Variants in STX10 observed in about 807,000 individuals in gnomAD.
STX10 encodes syntaxin-10.
A neutral mutation model predicts 34.1 loss-of-function variants in STX10; 35 were observed. The ratio of observed to expected loss-of-function variants is 1.03; its 90% CI spans 0.78 to 1.36. STX10 has a LOEUF of 1.36. Ranked by LOEUF, STX10 falls within the 40% of genes most tolerant of loss-of-function variation. The probability of loss-of-function intolerance (pLI) is 0.00; values close to 1 mark genes in which losing one functional copy is unlikely to be tolerated. For synonymous variants in STX10, 155 were observed against 132.9 expected (o/e 1.17, Z -1.15); for missense variants, 361 against 335.5 (o/e 1.08, Z -0.59).
intron 4 of STX10, among the ~76,000 whole-genome samples, chr19:13,147,238 G>A (rs1317559624): frequency 6.6e-6 from 1 of 152,110 alleles, no homozygotes. Context: ...AAAGGCGGGG[G>A]CGGATCACCT....
chr19:13,149,773 G>A lies in STX10; in HGVS notation c.160C>T (p.Leu54=). 6.2e-7 allele frequency: 1 copy of A among 1,614,178 alleles called. No homozygotes were observed. The highest frequency in any genetic ancestry group is 8.5e-7 in the Non-Finnish European group (1 of 1,180,044). Residue 54 remains leucine (L), a synonymous_variant, in exon 2 of 8, where the codon CTG becomes TTG. Transcript: ENST00000587230. ...DWTTNELRNG[L]RSIEWDLEDL... ...TCGAGGTCCCACTCGATGCTGCGCA[G>A]GCCATTCCGCAGCTCATTGGTCGTC...
chr19:13,147,005 A>G (rs2019914151), intron 4 of STX10, among the ~76,000 whole-genome samples: 1 of 150,830 alleles, frequency 6.6e-6, no homozygotes, highest in Non-Finnish European at 1.5e-5. Context: ...GGTGGTTCTC[A>G]ACATATGAAA....
rs754870681 is a variant in STX10, at chr19:13,149,732, G to A, written c.201C>T (p.Thr67=). Residue 67 remains threonine (T), a synonymous_variant, in exon 2 of 8, where the codon ACC becomes ACT. Coordinates refer to ENST00000587230, the MANE Select transcript of STX10 (RefSeq NM_003765.3). ...TGCCACAAAGCCCCAGGATATCGAT[G>A]GTCTCTTCCAGGTCCTCGAGGTCCC... The part of the protein sequence containing the change: ...IEWDLEDLEE[T]IGIVEANPGK... 2 of 1,613,032 alleles carry A rather than the reference G, an allele frequency of 1.2e-6. No homozygotes were observed. Among genetic ancestry groups the A allele is most frequent in the African/African-American group, 1.3e-5 (1 of 74,924 alleles).
At position 13,150,371 on chromosome 19, in the gene STX10, T is replaced by C; in HGVS notation, c.-198A>G. 1.8e-6 allele frequency: 1 copy of C among 560,062 alleles called. No individual in the cohort carries two copies. Among genetic ancestry groups the C allele is most frequent in the Non-Finnish European group, 3.2e-6 (1 of 315,384 alleles). The allele number at this position is 560,062 out of a possible 1,614,324, so 34.7% of individuals were successfully genotyped here. ...GCCCTCTCCTCAGCCATCTTGGTTG[T>C]GGGCAGAGGCAGCTTCCGGTGCACA... On this transcript the variant is annotated 5_prime_UTR_variant, in exon 1 of 8. Coordinates refer to ENST00000587230, the MANE Select transcript of STX10 (RefSeq NM_003765.3). This position sits in a 1 kb window ranked among gnomAD's most constrained non-coding sequence, Gnocchi z 4.0.
At chr19:13,144,732 C>T in intron 6 of STX10, 32 bp downstream of exon 6, 3 of 1,612,818 alleles carry the variant, frequency 1.9e-6, no homozygotes, top group Non-Finnish European at 2.5e-6. Flanking sequence ...TGGCCGAGAG[C>T]CCCTGGCCCA....
intron 1 of STX10, 73 bp from the exon 2 acceptor site, chr19:13,149,970 A>G: frequency 1.3e-6 from 2 of 1,510,254 alleles, no homozygotes. Flanking sequence ...CCGACTGCAA[A>G]CCCAAACGCA....
Position 13,144,582 on chromosome 19 carries a change from G to A in STX10, c.668C>T (p.Thr223Met), listed in dbSNP as rs61740942. 5.5e-4 allele frequency: 883 copies of A among 1,614,116 alleles called. 5 individuals are homozygous for A. The African/African-American group carries it at 0.01, about 19-fold the overall frequency. ...CCTCCCCTGAGGGGACTCACCACTC[G>A]TCATGTGGGATACTTTGGCCAACTT... ...LRKLAKVSHM[T>M]SDRRQWCAIA... is the part of the protein sequence containing the mutation. Residue 223 changes from threonine to methionine, a missense_variant, in exon 7 of 8, where the codon ACG (threonine) becomes ATG (methionine). Transcript: ENST00000587230.
rs2020036257 is a variant in STX10 at position 13,150,329 on chromosome 19, G to A, written c.-156C>T. 1.7e-6 allele frequency: 1 copy of A among 605,064 alleles called. No homozygotes were observed. The highest frequency in any genetic ancestry group is 3.0e-6 in the Non-Finnish European group (1 of 336,164). The allele number at this position is 605,064 out of a possible 1,614,324, so 37.5% of individuals were successfully genotyped here. A position where few individuals can be genotyped will look rare whatever the true frequency, so the allele number is the denominator to read the frequency against. ...GGAGAAAGAGAAGCCTCGGAGGCCC[G>A]ACGTGCGGACACTTCCGCCCTCTCC... On this transcript the variant is annotated 5_prime_UTR_variant, in exon 1 of 8. Transcript: ENST00000587230. The surrounding 1 kb of genome is among the most constrained non-coding windows in gnomAD (Gnocchi z 4.0).
chr19:13,145,840 A>G (rs1260512746), intron 4 of STX10, among the ~76,000 whole-genome samples: 1 of 151,980 alleles, frequency 6.6e-6, no homozygotes, highest in Admixed American at 6.6e-5. Flanking sequence ...CCTGGCCAAC[A>G]TGGTGAAATC....
At chr19:13,144,530 T>C (rs1237377671) in intron 7 of STX10, 44 bp from the exon 8 acceptor site, 1 of 1,613,826 alleles carries the variant, frequency 6.2e-7, no homozygotes, top group Non-Finnish European at 8.5e-7. Flanking sequence ...GGGTACCACC[T>C]ACAACCTGCC....
rs762711679 is a variant in STX10 at position 13,150,160 on chromosome 19, T to C, written c.14A>G (p.Asp5Gly). Residue 5 changes from aspartate (D) to glycine (G), a missense_variant, in exon 1 of 8, where the codon GAC (aspartate) becomes GGC (glycine). Asp to Gly is a moderately conservative substitution (Grantham distance 94). Transcript: ENST00000587230. The surrounding 1 kb of genome is among the most constrained non-coding windows in gnomAD (Gnocchi z 4.0). ...TCACCCTCGGACTACAAAAAAGGGG[T>C]CTTCGAGAGACATGTCAGTCCCTTC... MSLEDPFFVVRGEVQ... is the reference protein window; with the variant it reads MSLEGPFFVVRGEVQ... The C allele has an allele frequency of 1.2e-5, 14 of 1,156,150 alleles. No homozygotes were observed. The Admixed American group carries it at 1.8e-4, about 15-fold the overall frequency. 71.6% of individuals were successfully genotyped at this position (1,156,150 alleles called of 1,614,324 possible).
intron 4 of STX10, among the ~76,000 whole-genome samples, chr19:13,147,029 A>G (rs2019914431): frequency 6.6e-6 from 1 of 151,376 alleles, no homozygotes; most frequent in African/African-American, 2.4e-5. Flanking sequence ...ATCAACAGAG[A>G]ACACCAAGAG....
At position 13,144,767 on chromosome 19, in the gene STX10, C is replaced by T; in HGVS notation, c.575G>A (p.Gly192Asp). ...GRVGEELDEQ[G>D]IMLDAFAQEM... ...ACCCCCAGGGTCCTGGCCTCACATG[C>T]CCTGCTCGTCCAGCTCTTCTCCAAC... The change falls in exon 6 of 8, where the codon GGC becomes GAC. Residue 192 changes from glycine to aspartate, a missense_variant. Physicochemically the swap from Gly to Asp is moderately conservative, Grantham distance 94. Coordinates refer to ENST00000587230, the MANE Select transcript of STX10 (RefSeq NM_003765.3). 6.2e-7 allele frequency: 1 copy of T among 1,613,628 alleles called. No individual in the cohort carries two copies. Among genetic ancestry groups the T allele is most frequent in the Non-Finnish European group, 8.5e-7 (1 of 1,179,918 alleles).
chr19:13,144,619 C>T lies in STX10; in HGVS notation c.631G>A (p.Gly211Arg), dbSNP rs371593554. The change falls in exon 7 of 8, where the codon GGG becomes AGG. Residue 211 changes from glycine to arginine, a missense_variant. Gly to Arg is a moderately radical substitution (Grantham distance 125). Coordinates refer to ENST00000587230, the MANE Select transcript of STX10 (RefSeq NM_003765.3). ...ACTTTGGCCAACTTCCTGAGGACCC[C>T]GTCCATGCGGGACTGGGTGTGGTCC... ...EMDHTQSRMD[G>R]VLRKLAKVSH... The T allele has an allele frequency of 3.7e-5, 59 of 1,614,110 alleles. No individual in the cohort carries two copies. The South Asian group carries it at 4.4e-4, about 12-fold the overall frequency.
At chr19:13,146,610 GC>G (rs2019904741) in intron 4 of STX10, among the ~76,000 whole-genome samples, 1 of 151,740 alleles carries the variant, frequency 6.6e-6, no homozygotes, top group Non-Finnish European at 1.5e-5. Flanking sequence ...GTGTGATCTC[GC>G]CTCACTGCAA....
Position 13,144,336 on chromosome 19 carries a change from G to T in STX10, c.*74C>A. 6.4e-7 allele frequency: 1 copy of T among 1,556,266 alleles called. No individual in the cohort carries two copies. Among genetic ancestry groups the T allele is most frequent in the East Asian group, 2.3e-5 (1 of 43,028 alleles). ...ACCCAGGAGGGACCCTCTCCTCCTAGGGGGCGAGGCCAGCTCCAAAGTGCT... is the reference window on the plus strand; with the variant it reads ...ACCCAGGAGGGACCCTCTCCTCCTATGGGGCGAGGCCAGCTCCAAAGTGCT... On this transcript the variant is annotated 3_prime_UTR_variant, in exon 8 of 8. Coordinates refer to ENST00000587230, the MANE Select transcript of STX10 (RefSeq NM_003765.3).
In STX10 at chr19:13,144,113, G is replaced by T; in HGVS notation, c.*297C>A. The T allele has an allele frequency of 2.1e-6, 1 of 477,884 alleles. No homozygotes were observed. Among genetic ancestry groups the T allele is most frequent in the South Asian group, 3.2e-5 (1 of 31,154 alleles). 29.6% of individuals were successfully genotyped at this position (477,884 alleles called of 1,614,324 possible). ...CAGGTTGGCACGTGTATAAGGCACAGGGGCAAATGGCTTTGGGGTCCTGGA... is the reference window on the plus strand; with the variant it reads ...CAGGTTGGCACGTGTATAAGGCACATGGGCAAATGGCTTTGGGGTCCTGGA... On this transcript the variant is annotated 3_prime_UTR_variant, in exon 8 of 8. Transcript: ENST00000587230.
chr19:13,150,006 A>G lies in STX10; in HGVS notation c.36-109T>C. 7.1e-7 allele frequency: 1 copy of G among 1,410,104 alleles called. No homozygotes were observed. Among genetic ancestry groups the G allele is most frequent in the South Asian group, 1.2e-5 (1 of 81,006 alleles). 87.3% of individuals were successfully genotyped at this position (1,410,104 alleles called of 1,614,324 possible). A position where few individuals can be genotyped will look rare whatever the true frequency, so the allele number is the denominator to read the frequency against. On this transcript the variant is annotated intron_variant, in intron 1 of 7. Coordinates refer to ENST00000587230, the MANE Select transcript of STX10 (RefSeq NM_003765.3). This position sits in a 1 kb window ranked among gnomAD's most constrained non-coding sequence, Gnocchi z 4.0. ...TGGGGGACTCCGGAGACCCCTATAT[A>G]CCCCTGCGTGCGCCTCCCACTCTGC...
In STX10 at chr19:13,144,399, G is replaced by A. The variant is rs1418503008; in HGVS notation, c.*11C>T. On this transcript the variant is annotated 3_prime_UTR_variant, in exon 8 of 8. Coordinates refer to ENST00000587230, the MANE Select transcript of STX10 (RefSeq NM_003765.3). ...AGGCTTAAGGGACCAGCCTGCCAGGGAGGGCTGGGGTCAGAGAGAGAATAG... is the reference window on the plus strand; with the variant it reads ...AGGCTTAAGGGACCAGCCTGCCAGGAAGGGCTGGGGTCAGAGAGAGAATAG... 6.2e-7 allele frequency: 1 copy of A among 1,605,164 alleles called. No homozygotes were observed. The highest frequency in any genetic ancestry group is 1.1e-5 in the South Asian group (1 of 89,212).
Sources: allele counts gnomAD v4.1 joint callset (sites outside exome capture counted in the v4.1 genomes callset), GRCh38; gene constraint gnomAD v4.1.1; non-coding constraint Gnocchi (gnomAD v3.1); transcripts MANE v1.5; gene names NCBI Gene and HGNC (gene_info 2026-07-23, HGNC 2026-07-21).